Variants in IL10RA observed in about 807,000 individuals in gnomAD.
IL10RA encodes interleukin-10 receptor subunit alpha.
In IL10RA, 18 loss-of-function variants were observed where a neutral mutation model predicts 29.6. The observed-to-expected ratio is 0.61, with a 90% CI of 0.42 to 0.90. The LOEUF (loss-of-function observed/expected upper bound fraction) is 0.90, where lower values mean the gene tolerates loss of function less well. IL10RA is among the 40% of genes least tolerant of loss of function. The pLI is 0.00. For synonymous variants in IL10RA, 292 were observed against 294.1 expected, an observed-to-expected ratio of 0.99 and a Z score of 0.07; for missense variants, 634 against 716.6, an observed-to-expected ratio of 0.88 and a Z score of 1.32.
chr11:117,994,075 T>C lies in IL10RA; in HGVS notation c.614T>C (p.Val205Ala). ...GAAGTGGGAGAGTTCTGTGTCCAGG[T>C]GAAACCATCTGTCGCTTCCCGAAGT... ...SGEVGEFCVQ[V>A]KPSVASRSNK... Residue 205 changes from valine (V) to alanine (A), a missense_variant, in exon 5 of 7, where the codon GTG becomes GCG. By Grantham distance (64) the Val-to-Ala change is moderately conservative. Transcript: ENST00000227752. The C allele has an allele frequency of 6.2e-7, 1 of 1,614,058 alleles. No homozygotes were observed. Among genetic ancestry groups the C allele is most frequent in the East Asian group, 2.2e-5 (1 of 44,886 alleles).
In IL10RA at chr11:117,986,546, G is replaced by A. The variant is rs1388678265; in HGVS notation, c.67+12G>A. On this transcript the variant is annotated intron_variant, in intron 1 of 6. Transcript: ENST00000227752. ...CTCAGACGCTCATGGTAAGGCTCCG[G>A]GACGCGGCCCTTCCCTGCCCTGCCC... 6.4e-7 allele frequency: 1 copy of A among 1,552,260 alleles called. No homozygotes were observed. Among genetic ancestry groups the A allele is most frequent in the Non-Finnish European group, 8.7e-7 (1 of 1,147,550 alleles).
rs556188401 is a variant in IL10RA at position 117,989,737 on chromosome 11, C to T, written c.367+117C>T. 1.2e-5 allele frequency: 13 copies of T among 1,078,516 alleles called. No individual in the cohort carries two copies. In the East Asian group the frequency reaches 1.5e-4, roughly 13 times the overall value. The allele number at this position is 1,078,516 out of a possible 1,614,324, so 66.8% of individuals were successfully genotyped here. ...CACCATGTCTGCCAGCCTCCCTGGC[C>T]GGAGAACTAGTTGCCCAAACAGGGC... On this transcript the variant is annotated intron_variant, in intron 3 of 6. Coordinates refer to ENST00000227752, the MANE Select transcript of IL10RA (RefSeq NM_001558.4). The surrounding 1 kb of genome is among the most constrained non-coding windows in gnomAD (Gnocchi z 4.5).
Position 118,000,310 on chromosome 11 carries a change from A to G in IL10RA, c.*669A>G, listed in dbSNP as rs981145323. ...CCCTGGATGGGGCTTCCAGCTCAGA[A>G]CCCATCCCTCTGGTGGGTACCTCTG... On this transcript the variant is annotated 3_prime_UTR_variant, in exon 7 of 7. Coordinates refer to ENST00000227752, the MANE Select transcript of IL10RA (RefSeq NM_001558.4). 4.4e-6 allele frequency: 2 copies of G among 453,954 alleles called. No individual in the cohort carries two copies. The highest frequency in any genetic ancestry group is 8.8e-6 in the Non-Finnish European group (2 of 226,750). 28.1% of individuals were successfully genotyped at this position (453,954 alleles called of 1,614,324 possible).
chr11:117,993,056 A>G (rs1254347692), intron 3 of IL10RA, 185 bp from the exon 4 acceptor site: 6 of 608,080 alleles, frequency 9.9e-6, no homozygotes, highest in South Asian at 1.9e-5. Context: ...ATTTTAGGGT[A>G]TATGTATTTT....
At chr11:117,996,394 CCAGT>C (rs1442704719) in intron 6 of IL10RA, among the ~76,000 whole-genome samples, 1 of 152,216 alleles carries the variant, frequency 6.6e-6, no homozygotes, top group Non-Finnish European at 1.5e-5. Flanking sequence ...TTGTGGCAAG[CCAGT>C]CTCCAAAACT....
rs144921187 is a variant in IL10RA at position 117,991,869 on chromosome 11, G to A, written c.368-1372G>A. Among the ~76,000 whole-genome samples, 839 of 152,092 alleles carry A rather than the reference G, an allele frequency of 5.5e-3. 3 individuals are homozygous for A. The highest frequency in any genetic ancestry group is 0.015 in the South Asian group (71 of 4,804). On this transcript the variant is annotated intron_variant, in intron 3 of 6. Transcript: ENST00000227752. ...CTTGCTTCAGCCTCCTTAGTAGCTG[G>A]GATTACAGGCACGTGCCACCATGCC...
At chr11:117,997,649 A>G (rs773748025) in intron 6 of IL10RA, among the ~76,000 whole-genome samples, 1 of 152,210 alleles carries the variant, frequency 6.6e-6, no homozygotes, top group Non-Finnish European at 1.5e-5. Context: ...GACTCTGGAG[A>G]CAGGGTAGTA....
At chr11:117,995,841 TG>T in intron 6 of IL10RA, 131 bp downstream of exon 6, 1 of 960,390 alleles carries the variant, frequency 1.0e-6, no homozygotes, top group Middle Eastern at 2.7e-4. Flanking sequence ...CTGATGTGAT[TG>T]GGAGATACCT....
Position 117,994,076 on chromosome 11 carries a change from G to GA in IL10RA, c.618dup (p.Pro207ThrfsTer8), listed in dbSNP as rs1187971271. 2 of 1,614,086 alleles carry GA rather than the reference G, an allele frequency of 1.2e-6. No individual in the cohort carries two copies. The highest frequency in any genetic ancestry group is 2.2e-5 in the South Asian group (2 of 91,080). ...AAGTGGGAGAGTTCTGTGTCCAGGT[G>GA]AAACCATCTGTCGCTTCCCGAAGTA... On this transcript the variant is annotated frameshift_variant, in exon 5 of 7. Coordinates refer to ENST00000227752, the MANE Select transcript of IL10RA (RefSeq NM_001558.4). LOFTEE classifies it high-confidence loss of function.
chr11:117,999,812 A>C lies in IL10RA; in HGVS notation c.*171A>C. 1 of 711,076 alleles carries C rather than the reference A, an allele frequency of 1.4e-6. No homozygotes were observed. The highest frequency in any genetic ancestry group is 2.5e-6 in the Non-Finnish European group (1 of 395,098). 44.0% of individuals were successfully genotyped at this position (711,076 alleles called of 1,614,324 possible). A position where few individuals can be genotyped will look rare whatever the true frequency, so the allele number is the denominator to read the frequency against. On this transcript the variant is annotated 3_prime_UTR_variant, in exon 7 of 7. Coordinates refer to ENST00000227752, the MANE Select transcript of IL10RA (RefSeq NM_001558.4). ...CAGGGCTGGTCAGGGTGTCTGGGGC[A>C]GGAGGAGGCCAACTCACTGAACTAG...
chr11:117,993,883 A>C, intron 4 of IL10RA, 116 bp from the exon 5 acceptor site: 1 of 809,276 alleles, frequency 1.2e-6, no homozygotes, highest in East Asian at 2.6e-5. Flanking sequence ...TTGTCATCTT[A>C]GACAAAGGAT....
intron 6 of IL10RA, among the ~76,000 whole-genome samples, chr11:117,997,153 C>T (rs2058061981): frequency 6.6e-6 from 1 of 152,220 alleles, no homozygotes; most frequent in South Asian, 2.1e-4. Flanking sequence ...GTGTTCTTTA[C>T]TGTTGTGCCA....
intron 1 of IL10RA, chr11:117,987,876 T>G (rs1443739891): frequency 4.9e-6 from 1 of 203,536 alleles, no homozygotes; most frequent in South Asian, 8.4e-5. Context: ...AGCACTTAGC[T>G]TGGGGAGCCC....
intron 5 of IL10RA, 82 bp downstream of exon 5, chr11:117,994,231 C>A: frequency 8.1e-7 from 1 of 1,232,750 alleles, no homozygotes; most frequent in Non-Finnish European, 1.2e-6. Context: ...ACCTGGGATG[C>A]TGGTGCCAGC....
At position 117,988,493 on chromosome 11, in the gene IL10RA, C is replaced by T. The variant is rs754224918; in HGVS notation, c.179C>T (p.Ala60Val). 19 of 1,613,914 alleles carry T rather than the reference C, an allele frequency of 1.2e-5. No homozygotes were observed. The highest frequency in any genetic ancestry group is 1.4e-5 in the Non-Finnish European group (17 of 1,179,942). ...NQSESTCYEV[A>V]LLRYGIESWN... is the part of the protein sequence containing the mutation. ...TCTGAAAGTACCTGCTATGAAGTGGCGCTCCTGAGGTGAGGAAAAGGGAAG... is the reference window on the plus strand; with the variant it reads ...TCTGAAAGTACCTGCTATGAAGTGGTGCTCCTGAGGTGAGGAAAAGGGAAG... The change falls in exon 2 of 7, where the codon GCG becomes GTG. Residue 60 changes from alanine (A) to valine (V), a missense_variant. Transcript: ENST00000227752.
At position 117,998,856 on chromosome 11, in the gene IL10RA, G is replaced by A; in HGVS notation, c.952G>A (p.Asp318Asn). Residue 318 changes from aspartate to asparagine, a missense_variant, in exon 7 of 7, where the codon GAC becomes AAC. Asp to Asn is a conservative substitution (Grantham distance 23). Transcript: ENST00000227752. ...LKNLDLHGST[D>N]SGFGSTKPSL... ...GAACTTGGACCTGCACGGCAGCACA[G>A]ACAGTGGCTTTGGCAGCACCAAGCC... 1 of 1,614,232 alleles carries A rather than the reference G, an allele frequency of 6.2e-7. No homozygotes were observed. Among genetic ancestry groups the A allele is most frequent in the Non-Finnish European group, 8.5e-7 (1 of 1,180,038 alleles).
At position 117,995,685 on chromosome 11, in the gene IL10RA, G is replaced by C; in HGVS notation, c.785G>C (p.Arg262Pro). Residue 262 changes from arginine (R) to proline (P), a missense_variant, in exon 6 of 7, where the codon CGC becomes CCC. By Grantham distance (103) the Arg-to-Pro change is moderately radical. Coordinates refer to ENST00000227752, the MANE Select transcript of IL10RA (RefSeq NM_001558.4). ...CTGGCCCTCCAGCTGTATGTGCGGC[G>C]CCGAAAGAAGCTACCCAGTGTCCTG... Reference protein sequence around the residue: ...YCLALQLYVRRRKKLPSVLLF... With the variant: ...YCLALQLYVRPRKKLPSVLLF... The C allele has an allele frequency of 6.2e-7, 1 of 1,613,850 alleles. No individual in the cohort carries two copies. The highest frequency in any genetic ancestry group is 8.5e-7 in the Non-Finnish European group (1 of 1,180,028).
chr11:117,997,444 G>A (rs1447114101), intron 6 of IL10RA, among the ~76,000 whole-genome samples: 1 of 152,216 alleles, frequency 6.6e-6, no homozygotes, highest in Admixed American at 6.5e-5. Context: ...TCAGAGCTGG[G>A]ATTTGAACCC....
chr11:117,989,736 C>A lies in IL10RA; in HGVS notation c.367+116C>A. On this transcript the variant is annotated intron_variant, in intron 3 of 6. Coordinates refer to ENST00000227752, the MANE Select transcript of IL10RA (RefSeq NM_001558.4). The surrounding 1 kb of genome is among the most constrained non-coding windows in gnomAD (Gnocchi z 4.5). ...TCACCATGTCTGCCAGCCTCCCTGGCCGGAGAACTAGTTGCCCAAACAGGG... is the reference window on the plus strand; with the variant it reads ...TCACCATGTCTGCCAGCCTCCCTGGACGGAGAACTAGTTGCCCAAACAGGG... 9.2e-7 allele frequency: 1 copy of A among 1,088,854 alleles called. No individual in the cohort carries two copies. Among genetic ancestry groups the A allele is most frequent in the Non-Finnish European group, 1.4e-6 (1 of 735,776 alleles). The allele number at this position is 1,088,854 out of a possible 1,614,324, so 67.4% of individuals were successfully genotyped here.
Sources: allele counts gnomAD v4.1 joint callset (sites outside exome capture counted in the v4.1 genomes callset), GRCh38; gene constraint gnomAD v4.1.1; non-coding constraint Gnocchi (gnomAD v3.1); transcripts MANE v1.5; gene names NCBI Gene and HGNC (gene_info 2026-07-23, HGNC 2026-07-21).